The following MAB21L3 variants were observed in gnomAD, a reference collection of about 807,000 sequenced individuals.
MAB21L3 encodes protein mab-21-like 3.
A neutral mutation model predicts 37.7 loss-of-function variants in MAB21L3; 36 were observed. The ratio of observed to expected loss-of-function variants is 0.96; its 90% CI spans 0.73 to 1.26. The LOEUF (loss-of-function observed/expected upper bound fraction) is 1.26. MAB21L3 is among the 50% of genes most tolerant of loss of function. The pLI is 0.00. For synonymous variants in MAB21L3, 186 were observed against 176.8 expected (o/e 1.05, Z -0.41); for missense variants, 430 against 447.3 (o/e 0.96, Z 0.35).
intron 3 of MAB21L3, 100 bp downstream of exon 3, chr1:116,112,763 A>T: frequency 1.7e-6 from 2 of 1,143,916 alleles, no homozygotes; most frequent in South Asian, 1.3e-5. Context: ...TTCTAAAGAC[A>T]CATAAAATGC....
chr1:116,117,863 C>G (rs1276364170), intron 3 of MAB21L3, among the ~76,000 whole-genome samples: 1 of 152,112 alleles, frequency 6.6e-6, no homozygotes, highest in Non-Finnish European at 1.5e-5. Flanking sequence ...CACCCTTTTC[C>G]CCTTCTTTCT....
At chr1:116,130,928 G>A (rs1004623158) in intron 7 of MAB21L3, among the ~76,000 whole-genome samples, 5 of 152,058 alleles carry the variant, frequency 3.3e-5, no homozygotes, top group African/African-American at 9.7e-5. Flanking sequence ...TCATAATAAC[G>A]TAATCTAAAT....
At chr1:116,114,681 T>C (rs1348349150) in intron 3 of MAB21L3, among the ~76,000 whole-genome samples, 4 of 152,254 alleles carry the variant, frequency 2.6e-5, no homozygotes, top group Non-Finnish European at 4.4e-5. Context: ...GTCTCTAGGA[T>C]AGCCCTGTCC....
chr1:116,119,871 C>A (rs1267190054), intron 3 of MAB21L3, among the ~76,000 whole-genome samples: 2 of 152,146 alleles, frequency 1.3e-5, no homozygotes, highest in Non-Finnish European at 2.9e-5. Flanking sequence ...ATGAGAATTT[C>A]CCAATTCTTC....
chr1:116,127,731 G>A lies in MAB21L3; in HGVS notation c.660+87G>A, dbSNP rs561775747. 508 of 1,381,990 alleles carry A rather than the reference G, an allele frequency of 3.7e-4. 1 individual carries two copies. Among genetic ancestry groups the A allele is most frequent in the Non-Finnish European group, 4.4e-4 (452 of 1,030,022 alleles). The allele number at this position is 1,381,990 out of a possible 1,614,324, so 85.6% of individuals were successfully genotyped here. On this transcript the variant is annotated intron_variant, in intron 6 of 7. Coordinates refer to ENST00000369500, the MANE Select transcript of MAB21L3 (RefSeq NM_152367.3). Reference sequence around the variant, plus strand: ...CATTACTGACTGCCAATGAGTTTCCGAAGGAAAGTTGAGGTGTTACTAGAT... The same window carrying A: ...CATTACTGACTGCCAATGAGTTTCCAAAGGAAAGTTGAGGTGTTACTAGAT...
Position 116,134,407 on chromosome 1 carries a change from GCA to G in MAB21L3, c.*1045_*1046del, listed in dbSNP as rs1231617443. The stretch of plus-strand genomic sequence containing the variant: ...CAAGAAATGAACGACAGATAAACAC[GCA>G]CAGTTATTACAGATGGAAGCAAGTG... On this transcript the variant is annotated 3_prime_UTR_variant, in exon 8 of 8. Coordinates refer to ENST00000369500, the MANE Select transcript of MAB21L3 (RefSeq NM_152367.3). 6.6e-6 allele frequency: 1 copy of G among 152,206 alleles called. No individual in the cohort carries two copies. The highest frequency in any genetic ancestry group is 1.5e-5 in the Non-Finnish European group (1 of 68,056). 9.4% of individuals were successfully genotyped at this position (152,206 alleles called of 1,614,324 possible).
intron 3 of MAB21L3, among the ~76,000 whole-genome samples, chr1:116,114,313 T>A (rs917816545): frequency 2.0e-5 from 3 of 152,174 alleles, no homozygotes; most frequent in African/African-American, 7.2e-5. Flanking sequence ...AGAAATATCT[T>A]TAGAGTTCGT....
chr1:116,123,692 A>G (rs778024166), intron 4 of MAB21L3, among the ~76,000 whole-genome samples: 6 of 152,210 alleles, frequency 3.9e-5, no homozygotes, highest in Non-Finnish European at 5.9e-5. Context: ...GTGACTGTGA[A>G]GTTGAAATGG....
intron 3 of MAB21L3, among the ~76,000 whole-genome samples, chr1:116,114,162 C>T (rs551840776): frequency 6.6e-6 from 1 of 152,300 alleles, no homozygotes; most frequent in East Asian, 1.9e-4. Flanking sequence ...TATATTAACT[C>T]CTGACACTTT....
At chr1:116,118,249 GCAC>G (rs1407218180) in intron 3 of MAB21L3, among the ~76,000 whole-genome samples, 1 of 152,046 alleles carries the variant, frequency 6.6e-6, no homozygotes, top group Admixed American at 6.5e-5. Context: ...AGGTGTGGTG[GCAC>G]GTGCCTGTAG....
chr1:116,118,378 CA>C (rs71686471), intron 3 of MAB21L3, among the ~76,000 whole-genome samples: 33,584 of 143,092 alleles, frequency 0.23, 4,472 homozygotes, highest in African/African-American at 0.39. Flanking sequence ...GAGAATCCAT[CA>C]AAAAAAAAAA....
chr1:116,124,301 T>C lies in MAB21L3; in HGVS notation c.425T>C (p.Val142Ala). The C allele has an allele frequency of 6.2e-7, 1 of 1,614,046 alleles. No individual in the cohort carries two copies. ...NIDGDIVPAK[V>A]LLVFRKLVEN... The stretch of plus-strand genomic sequence containing the variant: ...GACGGAGACATTGTGCCTGCCAAGG[T>C]CCTCCTAGTGTTCCGGAAGCTGGTG... Residue 142 changes from valine to alanine, a missense_variant, in exon 5 of 8, where the codon GTC becomes GCC. Physicochemically the swap from Val to Ala is moderately conservative, Grantham distance 64. Coordinates refer to ENST00000369500, the MANE Select transcript of MAB21L3 (RefSeq NM_152367.3).
At chr1:116,120,220 C>G (rs1659702762) in intron 3 of MAB21L3, among the ~76,000 whole-genome samples, 1 of 152,138 alleles carries the variant, frequency 6.6e-6, no homozygotes, top group African/African-American at 2.4e-5. Flanking sequence ...TTGCCTACGT[C>G]AGAGGAGGAA....
At chr1:116,131,210 G>T (rs10802158) in intron 7 of MAB21L3, among the ~76,000 whole-genome samples, 1 of 152,088 alleles carries the variant, frequency 6.6e-6, no homozygotes. Context: ...TACTGTTGTC[G>T]CTGCTTCTTA....
At chr1:116,131,916 G>A (rs943822128) in intron 7 of MAB21L3, among the ~76,000 whole-genome samples, 12 of 152,138 alleles carry the variant, frequency 7.9e-5, no homozygotes, top group African/African-American at 2.9e-4. Flanking sequence ...AGGTAAATGG[G>A]TAGACTCGAG....
At chr1:116,123,874 CA>C (rs1211419025) in intron 4 of MAB21L3, 191 bp from the exon 5 acceptor site, 1 of 570,350 alleles carries the variant, frequency 1.8e-6, no homozygotes, top group Non-Finnish European at 3.1e-6. Flanking sequence ...GAAGTATTTA[CA>C]ATGATTCAGT....
chr1:116,124,454 C>T, intron 5 of MAB21L3, 97 bp downstream of exon 5: 1 of 1,117,168 alleles, frequency 9.0e-7, no homozygotes, highest in Non-Finnish European at 1.3e-6. Context: ...TCACAGCCTA[C>T]ATTTGAGAAA....
chr1:116,125,321 T>C (rs942529416), intron 5 of MAB21L3, among the ~76,000 whole-genome samples: 8 of 152,238 alleles, frequency 5.3e-5, no homozygotes, highest in Non-Finnish European at 8.8e-5. Context: ...ACAATTCCAG[T>C]TCTAGAAATA....
In MAB21L3 at chr1:116,135,198, T is replaced by C. The variant is rs1303170722; in HGVS notation, c.*1833T>C. ...ATTAATAGATCCAGGAGCTGGTTTT[T>C]TGAAAGGATCAACAAAATTGATAGA... On this transcript the variant is annotated 3_prime_UTR_variant, in exon 8 of 8. Transcript: ENST00000369500. 1 of 151,904 alleles carries C rather than the reference T, an allele frequency of 6.6e-6. No homozygotes were observed. The highest frequency in any genetic ancestry group is 2.4e-5 in the African/African-American group (1 of 41,276). 9.4% of individuals were successfully genotyped at this position (151,904 alleles called of 1,614,324 possible). A position where few individuals can be genotyped will look rare whatever the true frequency, so the allele number is the denominator to read the frequency against.
Sources: gnomAD v4.1 joint callset for allele counts (sites outside exome capture counted in the v4.1 genomes callset) on GRCh38, gnomAD v4.1.1 for gene constraint, MANE v1.5 for transcripts, NCBI Gene and HGNC (gene_info 2026-07-23, HGNC 2026-07-21) for gene names.